The following MAN1A1 variants were observed in gnomAD, a reference collection of about 807,000 sequenced individuals.
MAN1A1 encodes mannosidase alpha class 1A member 1.
MAN1A1 carries 29 observed loss-of-function variants against 70.8 expected under a neutral mutation model. The ratio of observed to expected loss-of-function variants is 0.41; its 90% CI spans 0.31 to 0.56. MAN1A1 has a LOEUF of 0.56. MAN1A1 is among the 20% of genes least tolerant of loss of function. The pLI is 0.29. For synonymous variants in MAN1A1, 349 were observed against 330.1 expected (o/e 1.06, Z -0.62); for missense variants, 747 against 841.3 (o/e 0.89, Z 1.39).
At chr6:119,319,695 T>C (rs1772954483) in intron 2 of MAN1A1, among the ~76,000 whole-genome samples, 1 of 152,220 alleles carries the variant, frequency 6.6e-6, no homozygotes, top group Non-Finnish European at 1.5e-5. Context: ...CTACTGCAGA[T>C]AATATAGATA....
intron 5 of MAN1A1, among the ~76,000 whole-genome samples, chr6:119,260,988 T>C (rs1030842590): frequency 7.1e-6 from 1 of 139,944 alleles, no homozygotes; most frequent in African/African-American, 2.7e-5. Context: ...TTTTTTTTTT[T>C]TTTTTTTTGA....
At chr6:119,213,961 T>C (rs973955672) in intron 6 of MAN1A1, among the ~76,000 whole-genome samples, 6 of 152,174 alleles carry the variant, frequency 3.9e-5, no homozygotes, top group African/African-American at 1.4e-4. Flanking sequence ...TGTAATGAAA[T>C]GCCTAAAAAC....
At chr6:119,332,343 T>C (rs969755615) in intron 2 of MAN1A1, among the ~76,000 whole-genome samples, 3 of 152,150 alleles carry the variant, frequency 2.0e-5, no homozygotes, top group East Asian at 3.8e-4. Context: ...CACATTCTAT[T>C]AGGAGAAAAA....
At chr6:119,336,434 T>C (rs539480876) in intron 2 of MAN1A1, among the ~76,000 whole-genome samples, 2 of 152,166 alleles carry the variant, frequency 1.3e-5, no homozygotes, top group Non-Finnish European at 2.9e-5. Context: ...ATCATTACTT[T>C]ATAGGAAATG....
intron 5 of MAN1A1, among the ~76,000 whole-genome samples, chr6:119,286,760 G>C (rs969316600): frequency 6.6e-6 from 1 of 151,986 alleles, no homozygotes; most frequent in Admixed American, 6.6e-5. Context: ...TTTCTTTGAG[G>C]ATTAAAAACT....
rs570196753 is a variant in MAN1A1 at position 119,266,850 on chromosome 6, CT to C, written c.898-18497del. On this transcript the variant is annotated intron_variant, in intron 5 of 12. Transcript: ENST00000368468. ...TGCAAAACATGTATCTAATAAAGAA[CT>C]GTTAATGAAAATTATACAAAGAACT... Among the ~76,000 whole-genome samples, 12 of 152,196 alleles carry C rather than the reference CT, an allele frequency of 7.9e-5. No individual in the cohort carries two copies. In the South Asian group the frequency reaches 2.5e-3, roughly 32 times the overall value.
chr6:119,225,998 T>C (rs1219771334), intron 6 of MAN1A1, among the ~76,000 whole-genome samples: 1 of 152,194 alleles, frequency 6.6e-6, no homozygotes, highest in Non-Finnish European at 1.5e-5. Context: ...AAAGTACATC[T>C]GTCTGCCTAT....
chr6:119,204,451 T>C (rs770989398), intron 7 of MAN1A1, among the ~76,000 whole-genome samples: 1 of 152,244 alleles, frequency 6.6e-6, no homozygotes, highest in Non-Finnish European at 1.5e-5. Context: ...AGTTGGCTCA[T>C]GCAGTGCATT....
intron 6 of MAN1A1, among the ~76,000 whole-genome samples, chr6:119,216,999 C>G (rs1774223910): frequency 6.6e-6 from 1 of 152,178 alleles, no homozygotes; most frequent in Non-Finnish European, 1.5e-5. Context: ...GTTGCACATG[C>G]ATGGATAGGT....
At chr6:119,292,935 C>T (rs1436805538) in intron 4 of MAN1A1, among the ~76,000 whole-genome samples, 1 of 152,020 alleles carries the variant, frequency 6.6e-6, no homozygotes, top group Non-Finnish European at 1.5e-5. Flanking sequence ...GTTCACGTGA[C>T]TACGTTTCCT....
chr6:119,251,677 T>C (rs1775321807), intron 5 of MAN1A1, among the ~76,000 whole-genome samples: 1 of 152,174 alleles, frequency 6.6e-6, no homozygotes, highest in Non-Finnish European at 1.5e-5. Context: ...CCCCCAATAA[T>C]TTTTCTTCCT....
At chr6:119,275,749 T>G (rs6932066) in intron 5 of MAN1A1, among the ~76,000 whole-genome samples, 123,677 of 152,214 alleles carry the variant, frequency 0.81, 50,575 homozygotes, top group Non-Finnish European at 0.86. Context: ...GCAACTGCTA[T>G]TTCATTTTTA....
chr6:119,203,494 A>G (rs891541963), intron 7 of MAN1A1, among the ~76,000 whole-genome samples: 4 of 152,002 alleles, frequency 2.6e-5, no homozygotes, highest in African/African-American at 9.7e-5. Context: ...ACAGGCCACA[A>G]TAAGGGCATA....
At chr6:119,204,950 G>A (rs1167465425) in intron 6 of MAN1A1, 68 bp from the exon 7 acceptor site, 1 of 1,535,368 alleles carries the variant, frequency 6.5e-7, no homozygotes, top group African/African-American at 1.4e-5. Flanking sequence ...CTAAATAGCA[G>A]ACATGAAATA....
rs545301076 is a variant in MAN1A1 at position 119,179,516 on chromosome 6, G to A, written c.*303C>T. The A allele has an allele frequency of 1.5e-3, 273 of 183,902 alleles. 1 individual carries two copies. The highest frequency in any genetic ancestry group is 1.2e-3 in the Non-Finnish European group (100 of 85,414). 11.4% of individuals were successfully genotyped at this position (183,902 alleles called of 1,614,324 possible). A position where few individuals can be genotyped will look rare whatever the true frequency, so the allele number is the denominator to read the frequency against. The stretch of plus-strand genomic sequence containing the variant: ...ATCAAATTATAATTAAGAGGTCATC[G>A]CTATACAATTCTATTCAGTTTAACA... On this transcript the variant is annotated 3_prime_UTR_variant, in exon 13 of 13. Transcript: ENST00000368468.
intron 5 of MAN1A1, among the ~76,000 whole-genome samples, chr6:119,260,169 TTAA>T (rs1775569153): frequency 6.6e-6 from 1 of 152,204 alleles, no homozygotes; most frequent in African/African-American, 2.4e-5. Flanking sequence ...ACGTTTATTT[TTAA>T]TAATCCTTTA....
chr6:119,242,781 A>C (rs1775047826), intron 6 of MAN1A1, among the ~76,000 whole-genome samples: 2 of 152,154 alleles, frequency 1.3e-5, no homozygotes, highest in Non-Finnish European at 2.9e-5. Context: ...AGTTAAGTGA[A>C]TTTTCCAGAG....
chr6:119,236,760 A>C (rs1774857618), intron 6 of MAN1A1, among the ~76,000 whole-genome samples: 1 of 152,146 alleles, frequency 6.6e-6, no homozygotes, highest in African/African-American at 2.4e-5. Flanking sequence ...ATTATTTAAA[A>C]AGTACATTTC....
At chr6:119,312,156 G>T (rs1020992019) in intron 2 of MAN1A1, among the ~76,000 whole-genome samples, 3 of 152,126 alleles carry the variant, frequency 2.0e-5, no homozygotes, top group Non-Finnish European at 4.4e-5. Context: ...TTCAGGCAAG[G>T]TCTGAGGTGG....
Sources: allele counts gnomAD v4.1 joint callset (sites outside exome capture counted in the v4.1 genomes callset), GRCh38; gene constraint gnomAD v4.1.1; transcripts MANE v1.5; gene names NCBI Gene and HGNC (gene_info 2026-07-23, HGNC 2026-07-21).